The following DLG2 variants were observed in gnomAD, a reference collection of about 807,000 sequenced individuals.
DLG2 encodes the protein discs large MAGUK scaffold protein 2.
A neutral mutation model predicts 132.5 loss-of-function variants in DLG2; 45 were observed. The ratio of observed to expected loss-of-function variants is 0.34; its 90% CI spans 0.27 to 0.44. The LOEUF (loss-of-function observed/expected upper bound fraction) is 0.44, where lower values mean the gene tolerates loss of function less well. Ranked by LOEUF, DLG2 falls within the 20% of genes least tolerant of loss-of-function variation. DLG2 has a pLI of 1.00. For synonymous variants in DLG2, 424 were observed against 419.6 expected, an observed-to-expected ratio of 1.01 and a Z score of -0.13; for missense variants, 1,045 against 1,196.9, an observed-to-expected ratio of 0.87 and a Z score of 1.87.
intron 17 of DLG2, among the ~76,000 whole-genome samples, chr11:83,821,602 G>T (rs2050810378): frequency 6.6e-6 from 1 of 152,022 alleles, no homozygotes; most frequent in East Asian, 1.9e-4. Flanking sequence ...ATAAACACTA[G>T]AATAATATTT....
intron 6 of DLG2, among the ~76,000 whole-genome samples, chr11:84,782,687 G>A (rs2072047997): frequency 6.6e-6 from 1 of 152,098 alleles, no homozygotes; most frequent in Non-Finnish European, 1.5e-5. Flanking sequence ...CACTGTTTGT[G>A]AAATATCTAT....
At chr11:84,349,749 A>G (rs2098554281) in intron 7 of DLG2, among the ~76,000 whole-genome samples, 1 of 152,176 alleles carries the variant, frequency 6.6e-6, no homozygotes, top group Non-Finnish European at 1.5e-5. Context: ...ACAAATATAC[A>G]CCAATGTGGT....
chr11:83,979,570 T>C (rs2092597613), intron 12 of DLG2, among the ~76,000 whole-genome samples: 1 of 152,226 alleles, frequency 6.6e-6, no homozygotes, highest in South Asian at 2.1e-4. Flanking sequence ...TAGGTTATCA[T>C]ATAACTCCAT....
intron 5 of DLG2, among the ~76,000 whole-genome samples, chr11:85,117,378 G>C (rs1335871116): frequency 6.6e-6 from 1 of 152,006 alleles, no homozygotes; most frequent in Non-Finnish European, 1.5e-5. Context: ...CATTAGTTAT[G>C]AAGATTTTAA....
At chr11:84,615,612 C>T (rs1417661735) in intron 6 of DLG2, among the ~76,000 whole-genome samples, 1 of 151,776 alleles carries the variant, frequency 6.6e-6, no homozygotes, top group Non-Finnish European at 1.5e-5. Flanking sequence ...ACAGCATATA[C>T]TCTTCTAGTA....
intron 3 of DLG2, among the ~76,000 whole-genome samples, chr11:85,492,714 T>A (rs2093589555): frequency 6.9e-6 from 1 of 145,724 alleles, no homozygotes; most frequent in South Asian, 2.2e-4. Flanking sequence ...ATGGTCTGAC[T>A]TAAAATATAG....
intron 2 of DLG2, among the ~76,000 whole-genome samples, chr11:85,604,549 A>G (rs1229292727): frequency 6.6e-6 from 1 of 152,148 alleles, no homozygotes; most frequent in Non-Finnish European, 1.5e-5. Context: ...CAAATAACCA[A>G]GTGGAGAATT....
In DLG2 at chr11:83,965,406, T is replaced by C. The variant is rs113918814; in HGVS notation, c.1119A>G (p.Thr373=). The C allele has an allele frequency of 8.6e-5, 139 of 1,611,834 alleles. 4 individuals are homozygous for C. The highest frequency in any genetic ancestry group is 8.5e-4 in the African/African-American group (64 of 74,866). The change falls in exon 13 of 28, where the codon ACA becomes ACG. Residue 373 remains threonine, a synonymous_variant. Coordinates refer to ENST00000376104, the MANE Select transcript of DLG2 (RefSeq NM_001142699.3). ...HEEAVAILKN[T]SEVVYLKVGK... ...CAACTTTTAAATAAACTACCTCTGA[T>C]GTGTTCTTTAATATTGCTACTGCCT...
At chr11:84,698,971 A>C (rs146401819) in intron 6 of DLG2, among the ~76,000 whole-genome samples, 5 of 151,726 alleles carry the variant, frequency 3.3e-5, no homozygotes, top group African/African-American at 1.2e-4. Context: ...CAGAATTTTC[A>C]GTCATCTTCT....
chr11:84,473,098 A>C (rs2099112726), intron 7 of DLG2, among the ~76,000 whole-genome samples: 1 of 151,878 alleles, frequency 6.6e-6, no homozygotes, highest in African/African-American at 2.4e-5. Context: ...TTGTCATATG[A>C]CTTGTCTAAA....
At chr11:85,500,169 G>A (rs1421749639) in intron 3 of DLG2, among the ~76,000 whole-genome samples, 1 of 152,124 alleles carries the variant, frequency 6.6e-6, no homozygotes, top group Non-Finnish European at 1.5e-5. Flanking sequence ...TCCCTTTGCA[G>A]ATGACATGAT....
At chr11:83,659,377 A>G (rs2073650199) in intron 18 of DLG2, among the ~76,000 whole-genome samples, 1 of 152,294 alleles carries the variant, frequency 6.6e-6, no homozygotes, top group South Asian at 2.1e-4. Flanking sequence ...CAGGAGTCCA[A>G]ATAATCCTCT....
chr11:83,807,003 A>G (rs2046076692), intron 17 of DLG2, among the ~76,000 whole-genome samples: 1 of 152,204 alleles, frequency 6.6e-6, no homozygotes, highest in East Asian at 1.9e-4. Flanking sequence ...GGGAAGTATT[A>G]GGCAGACCAC....
intron 19 of DLG2, among the ~76,000 whole-genome samples, chr11:83,581,130 G>C (rs1258722617): frequency 6.6e-6 from 1 of 151,932 alleles, no homozygotes; most frequent in Non-Finnish European, 1.5e-5. Flanking sequence ...CGAAGGCTGA[G>C]AGAGTCTTGA....
intron 6 of DLG2, among the ~76,000 whole-genome samples, chr11:84,701,354 A>G (rs910136204): frequency 6.6e-6 from 1 of 151,634 alleles, no homozygotes; most frequent in East Asian, 1.9e-4. Flanking sequence ...ATTCTTTAAC[A>G]TGAGAACTAT....
At chr11:85,338,945 G>C (rs1403772110) in intron 3 of DLG2, among the ~76,000 whole-genome samples, 1 of 152,046 alleles carries the variant, frequency 6.6e-6, no homozygotes, top group African/African-American at 2.4e-5. Context: ...GCCCGCCTCG[G>C]CCTCCCAAAG....
intron 19 of DLG2, among the ~76,000 whole-genome samples, chr11:83,595,056 C>T (rs1186225439): frequency 6.6e-6 from 1 of 152,144 alleles, no homozygotes; most frequent in Non-Finnish European, 1.5e-5. Flanking sequence ...GGTATAAAAG[C>T]TCATTCTGAC....
At chr11:84,509,002 A>C (rs1193798347) in intron 7 of DLG2, among the ~76,000 whole-genome samples, 2 of 152,248 alleles carry the variant, frequency 1.3e-5, no homozygotes, top group Non-Finnish European at 2.9e-5. Context: ...AAATATTTTA[A>C]ATACATAGCT....
chr11:83,848,124 CTTTTT>C (rs34648391), intron 16 of DLG2, among the ~76,000 whole-genome samples: 4 of 132,840 alleles, frequency 3.0e-5, no homozygotes, highest in Non-Finnish European at 4.7e-5. Flanking sequence ...TCCCCCACAC[CTTTTT>C]TTTTTTTTTT....
Sources: gnomAD v4.1 joint callset for allele counts (sites outside exome capture counted in the v4.1 genomes callset) on GRCh38, gnomAD v4.1.1 for gene constraint, MANE v1.5 for transcripts, NCBI Gene and HGNC (gene_info 2026-07-23, HGNC 2026-07-21) for gene names.